Variants in CAMK1D observed in about 807,000 individuals in gnomAD.
CAMK1D encodes calcium/calmodulin dependent protein kinase ID.
A neutral mutation model predicts 47.7 loss-of-function variants in CAMK1D; 9 were observed. The observed-to-expected ratio is 0.19, with a 90% confidence interval of 0.11 to 0.33. CAMK1D has a LOEUF of 0.33. Among genes scored for constraint, CAMK1D ranks in the 10% least tolerant of loss-of-function variants. The pLI is 1.00. For synonymous variants in CAMK1D, 184 were observed against 184.9 expected (o/e 0.99, Z 0.04); for missense variants, 291 against 488.7 (o/e 0.60, Z 3.81).
chr10:12,749,495 A>G (rs1417267218), intron 3 of CAMK1D, among the ~76,000 whole-genome samples: 9 of 150,582 alleles, frequency 6.0e-5, no homozygotes, highest in South Asian at 2.1e-4. Context: ...CTTTTGTCCA[A>G]TAAGGGACTG....
At chr10:12,445,704 T>A (rs920914254) in intron 1 of CAMK1D, among the ~76,000 whole-genome samples, 2 of 152,250 alleles carry the variant, frequency 1.3e-5, no homozygotes, top group African/African-American at 4.8e-5. Context: ...CCTTTTAATG[T>A]AAAAGTCATA....
intron 1 of CAMK1D, among the ~76,000 whole-genome samples, chr10:12,441,866 A>T (rs1376642538): frequency 6.6e-6 from 1 of 152,200 alleles, no homozygotes; most frequent in Non-Finnish European, 1.5e-5. Flanking sequence ...TTCTTTTTAT[A>T]TTCTATTCCA....
chr10:12,794,649 G>A (rs958416337), intron 6 of CAMK1D, among the ~76,000 whole-genome samples: 6 of 152,150 alleles, frequency 3.9e-5, no homozygotes, highest in African/African-American at 1.4e-4. Context: ...TTGCCCCAGA[G>A]ACTAGTCCCA....
At chr10:12,353,448 A>G (rs1837409598) in intron 1 of CAMK1D, among the ~76,000 whole-genome samples, 1 of 152,120 alleles carries the variant, frequency 6.6e-6, no homozygotes, top group Admixed American at 6.6e-5. Context: ...CAGGTATCTC[A>G]CCTCATGGAG....
intron 1 of CAMK1D, among the ~76,000 whole-genome samples, chr10:12,417,772 C>T (rs1191076220): frequency 6.6e-6 from 1 of 151,606 alleles, no homozygotes; most frequent in Non-Finnish European, 1.5e-5. Flanking sequence ...GTGGGCATCT[C>T]TATGCTCTTT....
At chr10:12,635,787 TA>T (rs45437992) in intron 2 of CAMK1D, among the ~76,000 whole-genome samples, 7 of 151,830 alleles carry the variant, frequency 4.6e-5, no homozygotes, top group South Asian at 4.2e-4. Flanking sequence ...CCTTCCCTTC[TA>T]AAAAAAATGT....
rs148804754 is a variant in CAMK1D at position 12,489,410 on chromosome 10, T to G, written c.93-63815T>G. Among the ~76,000 whole-genome samples the G allele has an allele frequency of 2.2e-3, 329 of 152,264 alleles. 4 individuals are homozygous for G. Among genetic ancestry groups the G allele is most frequent in the African/African-American group, 7.5e-3 (313 of 41,518 alleles). On this transcript the variant is annotated intron_variant, in intron 1 of 10. Transcript: ENST00000619168. ...AAGAGGGAGGGAAGGATCTCAAACA[T>G]CCTGGAGAGTTGAAGAAAAATAAAG...
At chr10:12,766,665 C>A (rs1384569610) in intron 4 of CAMK1D, among the ~76,000 whole-genome samples, 1 of 152,142 alleles carries the variant, frequency 6.6e-6, no homozygotes, top group Admixed American at 6.5e-5. Flanking sequence ...CCCTCACTAT[C>A]TGCAAAATAA....
rs571941335 is a variant in CAMK1D, at chr10:12,487,013, G to GA, written c.93-66204dup. Reference sequence around the variant, plus strand: ...GGAGAAATTTAGGAGCTAATTAAAAGAAAAAAAACACCTTTTATTTTAGGT... The same window carrying GA: ...GGAGAAATTTAGGAGCTAATTAAAAGAAAAAAAAACACCTTTTATTTTAGGT... On this transcript the variant is annotated intron_variant, in intron 1 of 10. Transcript: ENST00000619168. 2.6e-5 allele frequency among the ~76,000 whole-genome samples: 4 copies of GA among 151,928 alleles called. No individual in the cohort carries two copies. In the South Asian group the frequency reaches 6.2e-4, roughly 24 times the overall value.
intron 3 of CAMK1D, among the ~76,000 whole-genome samples, chr10:12,702,355 C>T (rs1338293843): frequency 2.6e-5 from 4 of 152,166 alleles, no homozygotes; most frequent in Non-Finnish European, 5.9e-5. Context: ...TATGCCACAC[C>T]TCAGAGGCTT....
chr10:12,374,987 G>T (rs1057152189), intron 1 of CAMK1D, among the ~76,000 whole-genome samples: 2 of 151,682 alleles, frequency 1.3e-5, no homozygotes, highest in Non-Finnish European at 2.9e-5. Flanking sequence ...GGAGATGGGG[G>T]TCTCACTATG....
chr10:12,432,608 A>G (rs774160602), intron 1 of CAMK1D, among the ~76,000 whole-genome samples: 1 of 152,250 alleles, frequency 6.6e-6, no homozygotes, highest in East Asian at 1.9e-4. Context: ...AAATGAATGA[A>G]TGAGTGAATA....
chr10:12,371,387 T>C (rs1838001585), intron 1 of CAMK1D, among the ~76,000 whole-genome samples: 1 of 148,854 alleles, frequency 6.7e-6, no homozygotes, highest in South Asian at 2.1e-4. Flanking sequence ...CCATCCTGGC[T>C]AACACGGTGA....
rs34038018 is a variant in CAMK1D, at chr10:12,573,831, C to CTTTTTTTTTTTTTTTT, written c.224+20485_224+20500dup. On this transcript the variant is annotated intron_variant, in intron 2 of 10. Transcript: ENST00000619168. ...CACCATGCCTGGCTTATTAAAAAAACTTTTTTTTTTTTTTTTTTTTTTTTT... is the reference window on the plus strand; with the variant it reads ...CACCATGCCTGGCTTATTAAAAAAACTTTTTTTTTTTTTTTTTTTTTTTTTTTTTTTTTTTTTTTTT... Among the ~76,000 whole-genome samples the CTTTTTTTTTTTTTTTT allele has an allele frequency of 6.2e-4, 40 of 64,072 alleles. 8 individuals carry two copies. Among genetic ancestry groups the CTTTTTTTTTTTTTTTT allele is most frequent in the African/African-American group, 1.9e-3 (35 of 18,438 alleles). The allele number at this position is 64,072 out of a possible 152,430, so 42.0% of individuals were successfully genotyped here. A position where few individuals can be genotyped will look rare whatever the true frequency, so the allele number is the denominator to read the frequency against.
chr10:12,721,931 C>T (rs1834395057), intron 3 of CAMK1D, among the ~76,000 whole-genome samples: 1 of 152,178 alleles, frequency 6.6e-6, no homozygotes, highest in Non-Finnish European at 1.5e-5. Flanking sequence ...AAACCCCTCG[C>T]TGCCTTCTAA....
intron 1 of CAMK1D, among the ~76,000 whole-genome samples, chr10:12,493,029 T>C (rs1272552678): frequency 6.6e-6 from 1 of 152,226 alleles, no homozygotes; most frequent in Non-Finnish European, 1.5e-5. Context: ...CTTTTATTCA[T>C]GGATGAAACC....
intron 3 of CAMK1D, among the ~76,000 whole-genome samples, chr10:12,737,163 G>A (rs1294006782): frequency 6.6e-6 from 1 of 151,952 alleles, no homozygotes; most frequent in Non-Finnish European, 1.5e-5. Flanking sequence ...CCATCCATCA[G>A]CTACTGCCTC....
At chr10:12,799,353 C>G (rs371698835) in intron 6 of CAMK1D, among the ~76,000 whole-genome samples, 13 of 152,078 alleles carry the variant, frequency 8.5e-5, no homozygotes, top group African/African-American at 3.1e-4. Context: ...TGCCCTGGGG[C>G]CATTGTCAGC....
chr10:12,734,347 TATATATATATA>T (rs1835043248), intron 3 of CAMK1D, among the ~76,000 whole-genome samples: 1 of 5,796 alleles, frequency 1.7e-4, no homozygotes, highest in Non-Finnish European at 4.5e-4. Flanking sequence ...AAAAAAAAAA[TATATATATATA>T]TATATATATA....
Sources: gnomAD v4.1 joint callset for allele counts (sites outside exome capture counted in the v4.1 genomes callset) on GRCh38, gnomAD v4.1.1 for gene constraint, MANE v1.5 for transcripts, NCBI Gene and HGNC (gene_info 2026-07-23, HGNC 2026-07-21) for gene names.